LIPA: variants seen among roughly 807,000 people sequenced by gnomAD.
The protein encoded by LIPA is lipase A, lysosomal acid type.
Under a neutral mutation model 40.6 loss-of-function variants are expected in LIPA, and 26 were observed. The ratio of observed to expected loss-of-function variants is 0.64; its 90% CI spans 0.47 to 0.89. LIPA has a LOEUF of 0.89. Among genes scored for constraint, LIPA ranks in the 40% least tolerant of loss-of-function variants. The pLI is 0.00. For missense variants in LIPA, 455 were observed against 479.6 expected (o/e 0.95, Z 0.48); for synonymous variants, 188 against 168.4 (o/e 1.12, Z -0.90).
intron 2 of LIPA, among the ~76,000 whole-genome samples, chr10:89,246,275 G>A (rs1843024116): frequency 6.6e-6 from 1 of 152,138 alleles, no homozygotes; most frequent in Non-Finnish European, 1.5e-5. Flanking sequence ...TGGGATGGAA[G>A]AAAAGTTGAA....
At chr10:89,228,780 A>C (rs1476985399) in intron 3 of LIPA, among the ~76,000 whole-genome samples, 1 of 152,242 alleles carries the variant, frequency 6.6e-6, no homozygotes, top group East Asian at 1.9e-4. Context: ...AACAAAAGGA[A>C]AGAAAAAGAT....
intron 7 of LIPA, 68 bp downstream of exon 7, chr10:89,223,616 T>C (rs1385074776): frequency 8.0e-7 from 1 of 1,253,644 alleles, no homozygotes. Context: ...CTCTCCCATA[T>C]CATTCAACAC....
chr10:89,272,964 T>G (rs1286322734), intron 1 of LIPA, among the ~76,000 whole-genome samples: 1 of 152,240 alleles, frequency 6.6e-6, no homozygotes, highest in East Asian at 1.9e-4. Context: ...ATAAATGTGT[T>G]CCTTACAGAT....
chr10:89,271,824 G>A (rs546224255), intron 1 of LIPA, among the ~76,000 whole-genome samples: 1 of 152,226 alleles, frequency 6.6e-6, no homozygotes, highest in South Asian at 2.1e-4. Context: ...CAGTTTGGGA[G>A]GCCAAAGCCG....
At chr10:89,224,865 C>G (rs1386359181) in intron 6 of LIPA, among the ~76,000 whole-genome samples, 1 of 152,188 alleles carries the variant, frequency 6.6e-6, no homozygotes, top group East Asian at 1.9e-4. Context: ...GCTGTACTGA[C>G]ACATGCTAAC....
chr10:89,386,923 G>A (rs1436486917), intron 2 of LIPA, among the ~76,000 whole-genome samples: 6 of 151,168 alleles, frequency 4.0e-5, no homozygotes, highest in Non-Finnish European at 7.4e-5. Flanking sequence ...ACTTAATAGA[G>A]TTTATGAGTC....
chr10:89,376,884 GC>G (rs977250382), intron 2 of LIPA, among the ~76,000 whole-genome samples: 4 of 152,112 alleles, frequency 2.6e-5, no homozygotes, highest in African/African-American at 9.7e-5. Context: ...CTAGTTACAG[GC>G]CCAGGACAAA....
At chr10:89,355,659 T>C (rs1212469181) in intron 2 of LIPA, among the ~76,000 whole-genome samples, 2 of 152,118 alleles carry the variant, frequency 1.3e-5, no homozygotes, top group African/African-American at 2.4e-5. Flanking sequence ...CAGGACAAGA[T>C]ACAGGTCAAA....
At chr10:89,343,760 G>A (rs556844944), upstream of LIPA, among the ~76,000 whole-genome samples, 24 of 152,226 alleles carry the variant, frequency 1.6e-4, no homozygotes, top group East Asian at 1.9e-4. Flanking sequence ...GGGGCCTCCC[G>A]ATTGCCATAT....
chr10:89,332,029 G>A (rs938392611), intron 1 of LIPA, among the ~76,000 whole-genome samples: 2 of 152,026 alleles, frequency 1.3e-5, no homozygotes, highest in Non-Finnish European at 1.5e-5. Context: ...TCAGGAGTTC[G>A]AGAACAGCCT....
intron 1 of LIPA, among the ~76,000 whole-genome samples, chr10:89,274,761 C>T (rs2151004): frequency 0.42 from 63,597 of 151,838 alleles, 13,848 homozygotes; most frequent in East Asian, 0.79. Flanking sequence ...CTGGAATTTC[C>T]GTGTCTGATG....
chr10:89,306,318 A>G (rs2070845), intron 1 of LIPA: 371,774 of 1,613,760 alleles, frequency 0.23, 44,174 homozygotes, highest in African/African-American at 0.26. Flanking sequence ...GACAAGGTGA[A>G]ACATGTCTGT....
At chr10:89,336,327 C>A (rs1400940135) in intron 1 of LIPA, among the ~76,000 whole-genome samples, 2 of 152,164 alleles carry the variant, frequency 1.3e-5, no homozygotes, top group African/African-American at 4.8e-5. Context: ...AGGAAAAGGA[C>A]TGTCCCCAAA....
intron 3 of LIPA, among the ~76,000 whole-genome samples, 160 bp from the exon 4 acceptor site, chr10:89,228,558 A>G (rs1423108524): frequency 2.6e-5 from 4 of 152,256 alleles, no homozygotes; most frequent in Non-Finnish European, 5.9e-5. Context: ...AATGTTAGTA[A>G]AGAATTTTTT....
At chr10:89,251,331 T>C (rs1044348287) in intron 1 of LIPA, among the ~76,000 whole-genome samples, 1 of 152,174 alleles carries the variant, frequency 6.6e-6, no homozygotes, top group Admixed American at 6.5e-5. Flanking sequence ...GACCACGCCG[T>C]TGGCTAACAA....
chr10:89,398,236 C>T (rs1238792867), intron 2 of LIPA, among the ~76,000 whole-genome samples: 1 of 152,172 alleles, frequency 6.6e-6, no homozygotes, highest in Non-Finnish European at 1.5e-5. Context: ...GGAGTAGGTA[C>T]AAGGGAGTGT....
chr10:89,237,630 G>A (rs1454825623), intron 3 of LIPA, among the ~76,000 whole-genome samples: 1 of 152,108 alleles, frequency 6.6e-6, no homozygotes, highest in Non-Finnish European at 1.5e-5. Context: ...AGCCTTAAAG[G>A]GAAAATATAG....
intron 2 of LIPA, among the ~76,000 whole-genome samples, chr10:89,364,988 A>G (rs1844047276): frequency 6.6e-6 from 1 of 152,232 alleles, no homozygotes; most frequent in South Asian, 2.1e-4. Flanking sequence ...CTACAAATAA[A>G]AGACACACAT....
At chr10:89,350,324 T>TTTTTTTTTTTGAG (rs1384771963) in intron 2 of LIPA, among the ~76,000 whole-genome samples, 3 of 151,366 alleles carry the variant, frequency 2.0e-5, no homozygotes, top group Non-Finnish European at 4.4e-5. Flanking sequence ...CCTTTTTTTT[T>TTTTTTTTTTTGAG]AAGACGGAGT....
Sources: allele counts gnomAD v4.1 joint callset (sites outside exome capture counted in the v4.1 genomes callset), GRCh38; gene constraint gnomAD v4.1.1; transcripts MANE v1.5; gene names NCBI Gene and HGNC (gene_info 2026-07-23, HGNC 2026-07-21).